HSPG2: variants seen among roughly 807,000 people sequenced by gnomAD.
HSPG2 encodes heparan sulfate proteoglycan 2.
HSPG2 carries 278 observed loss-of-function variants against 526.6 expected under a neutral mutation model. The ratio of observed to expected loss-of-function variants is 0.53; its 90% confidence interval spans 0.48 to 0.58. HSPG2 has a LOEUF of 0.58. Ranked by LOEUF, HSPG2 falls within the 20% of genes least tolerant of loss-of-function variation. The pLI is 0.00. For missense variants in HSPG2, 5,354 were observed against 6,099.5 expected (o/e 0.88, Z 4.07); for synonymous variants, 2,465 against 2,555.4 (o/e 0.96, Z 1.07).
rs372631646 is a variant in HSPG2, at chr1:21,831,843, T to C, written c.11208-47A>G. ...GGCAGGAGAGAGTGGATAGGGGGTTTGTAAGAAGGGCTAGGGGCCCAGTTG... is the reference window on the plus strand; with the variant it reads ...GGCAGGAGAGAGTGGATAGGGGGTTCGTAAGAAGGGCTAGGGGCCCAGTTG... On this transcript the variant is annotated intron_variant, in intron 81 of 96. Transcript: ENST00000374695. 1.4e-4 allele frequency: 214 copies of C among 1,549,778 alleles called. 2 individuals carry two copies. The South Asian group carries it at 2.5e-3, about 18-fold the overall frequency.
Position 21,844,297 on chromosome 1 carries a change from G to T in HSPG2, c.8467C>A (p.Pro2823Thr), listed in dbSNP as rs1232695707. 1 of 1,612,124 alleles carries T rather than the reference G, an allele frequency of 6.2e-7. No individual in the cohort carries two copies. Among genetic ancestry groups the T allele is most frequent in the Admixed American group, 1.7e-5 (1 of 59,996 alleles). Residue 2823 changes from proline (P) to threonine (T), a missense_variant and splice_region_variant, in exon 65 of 97, where the codon CCA becomes ACA. Transcript: ENST00000374695. ...ATGCGGATGGGTGGGGCTCCACCTG[G>T]GGCTGGGGCACAGGGGAGAGGTCAG... is the stretch of plus-strand genomic sequence containing the variant. The part of the protein sequence containing the change: ...SGSSAVHVPA[P>T]GGAPPIRIEP...
In HSPG2 at chr1:21,881,469, G is replaced by A. The variant is rs142062738; in HGVS notation, c.1688C>T (p.Thr563Met). Residue 563 changes from threonine to methionine, a missense_variant, in exon 14 of 97, where the codon ACG becomes ATG. Transcript: ENST00000374695. ...VNVTMPAQPG[T>M]PPLSSTQLQI... ...CAGCTGCGTGGAGGAGAGGGGTGGC[G>A]TGCCGGGCTGCGCAGGCATTGTCAC... The A allele has an allele frequency of 2.4e-5, 38 of 1,612,800 alleles. No homozygotes were observed. In the African/African-American group the frequency reaches 3.3e-4, roughly 14 times the overall value.
intron 95 of HSPG2, 133 bp downstream of exon 95, chr1:21,823,988 G>T: frequency 1.1e-6 from 1 of 945,240 alleles, no homozygotes. Context: ...CTGGCTGGTG[G>T]GTTCTCCCCT....
chr1:21,928,355 C>T (rs1011182801), intron 1 of HSPG2, among the ~76,000 whole-genome samples: 5 of 152,262 alleles, frequency 3.3e-5, no homozygotes, highest in African/African-American at 7.2e-5. Context: ...GGCCAGAGCA[C>T]GCCCCTTTCC....
intron 85 of HSPG2, 100 bp from the exon 86 acceptor site, chr1:21,830,191 C>T: frequency 2.1e-6 from 2 of 971,250 alleles, no homozygotes; most frequent in Non-Finnish European, 1.6e-6. Context: ...GGGGGCTGGG[C>T]TAGTGAGGGC....
intron 74 of HSPG2, among the ~76,000 whole-genome samples, chr1:21,838,307 C>T (rs2098035302): frequency 1.3e-5 from 2 of 152,264 alleles, no homozygotes; most frequent in South Asian, 4.1e-4. Context: ...AAGTTTGGGG[C>T]CCAAAAGCCC....
At chr1:21,919,937 C>T (rs1374502328) in intron 1 of HSPG2, among the ~76,000 whole-genome samples, 1 of 152,196 alleles carries the variant, frequency 6.6e-6, no homozygotes, top group South Asian at 2.1e-4. Flanking sequence ...GACAGAGTCT[C>T]GCTCTGTTGC....
chr1:21,823,435 T>C lies in HSPG2; in HGVS notation c.13057A>G (p.Thr4353Ala). The change falls in exon 97 of 97, where the codon ACA (threonine) becomes GCA (alanine). Residue 4353 changes from threonine to alanine, a missense_variant. Coordinates refer to ENST00000374695, the MANE Select transcript of HSPG2 (RefSeq NM_005529.7). ...AGCACCAGGTTCTTGACACAGCCTG[T>C]GATGCCTGAGGAGAATCTGCCCCCG... ...LTGGRFSSGITGCVKNLVLHS... is the reference protein window; with the variant it reads ...LTGGRFSSGIAGCVKNLVLHS... 1 of 1,591,112 alleles carries C rather than the reference T, an allele frequency of 6.3e-7. No homozygotes were observed. Among genetic ancestry groups the C allele is most frequent in the East Asian group, 2.3e-5 (1 of 44,214 alleles).
At chr1:21,901,733 G>C (rs79704247) in intron 1 of HSPG2, among the ~76,000 whole-genome samples, 4,548 of 152,182 alleles carry the variant, frequency 0.03, 95 homozygotes, top group Middle Eastern at 0.068. Context: ...CAGGCTCCAG[G>C]CATGTGGGGA....
intron 3 of HSPG2, among the ~76,000 whole-genome samples, chr1:21,891,650 A>G (rs914885725): frequency 4.6e-5 from 7 of 152,056 alleles, no homozygotes; most frequent in Non-Finnish European, 1.0e-4. Flanking sequence ...TTGCTCTGTC[A>G]CCCACGCTGG....
At chr1:21,843,186 C>T (rs1446250825) in intron 66 of HSPG2, 111 bp downstream of exon 66, 1 of 1,499,572 alleles carries the variant, frequency 6.7e-7, no homozygotes, top group Non-Finnish European at 9.3e-7. Context: ...TGGTAGGAAA[C>T]CCCGCCTGCA....
chr1:21,855,374 T>C lies in HSPG2; in HGVS notation c.5927A>G (p.Tyr1976Cys). The change falls in exon 47 of 97, where the codon TAC becomes TGC. Residue 1976 changes from tyrosine to cysteine, a missense_variant. By Grantham distance (194) the Tyr-to-Cys change is radical. Transcript: ENST00000374695. ...QVHAGRTVRL[Y>C]CRAAGVPSAT... ...GCTAGGCACGCCTGCAGCCCTGCAG[T>C]ACAGCCTGACGGTGCGGCCTGCGTG... 1 of 1,612,550 alleles carries C rather than the reference T, an allele frequency of 6.2e-7. No homozygotes were observed. Among genetic ancestry groups the C allele is most frequent in the Middle Eastern group, 1.7e-4 (1 of 5,926 alleles).
In HSPG2 at chr1:21,846,459, T is replaced by C; in HGVS notation, c.8305A>G (p.Ser2769Gly). 6.2e-7 allele frequency: 1 copy of C among 1,613,534 alleles called. No homozygotes were observed. The highest frequency in any genetic ancestry group is 8.5e-7 in the Non-Finnish European group (1 of 1,180,044). Residue 2769 changes from serine (S) to glycine (G), a missense_variant, in exon 63 of 97, where the codon AGT becomes GGT. Transcript: ENST00000374695. ...TGCCAGCTGCATACCTGATGGTGAC[T>C]GGGGAGGCTGCCCCCACGCTTGTGC... ...TWHKRGGSLPSHHQTRGSRLR... is the reference protein window; with the variant it reads ...TWHKRGGSLPGHHQTRGSRLR...
chr1:21,878,361 G>A lies in HSPG2; in HGVS notation c.2617+72C>T, dbSNP rs757800820. On this transcript the variant is annotated intron_variant, in intron 20 of 96. Coordinates refer to ENST00000374695, the MANE Select transcript of HSPG2 (RefSeq NM_005529.7). Reference sequence around the variant, plus strand: ...AAGGTTCATGAGCTGGGGCAGGGAGGGAGGGTGCCTGGTGTGCAGCCCAGG... The same window carrying A: ...AAGGTTCATGAGCTGGGGCAGGGAGAGAGGGTGCCTGGTGTGCAGCCCAGG... 3.7e-5 allele frequency: 58 copies of A among 1,576,394 alleles called. No individual in the cohort carries two copies. The South Asian group carries it at 6.4e-4, about 17-fold the overall frequency.
chr1:21,836,874 C>T lies in HSPG2; in HGVS notation c.10283G>A (p.Gly3428Asp), dbSNP rs1162141885. The T allele has an allele frequency of 9.5e-6, 15 of 1,576,748 alleles. No individual in the cohort carries two copies. In the South Asian group the frequency reaches 1.3e-4, roughly 13 times the overall value. ...EFHCAVPSDR[G>D]TQLRWFKEGG... ...TTCCTTGAACCAACGGAGCTGGGTA[C>T]CCCGGTCGCTGGGCACAGCACAGTG... is the stretch of plus-strand genomic sequence containing the variant. The change falls in exon 75 of 97, where the codon GGT becomes GAT. Residue 3428 changes from glycine to aspartate, a missense_variant. Gly to Asp is a moderately conservative substitution (Grantham distance 94). Coordinates refer to ENST00000374695, the MANE Select transcript of HSPG2 (RefSeq NM_005529.7).
rs553324300 is a variant in HSPG2 at position 21,904,698 on chromosome 1, C to A, written c.64-8388G>T. ...GCCAAGGCGGTGGGGGTGGCCTAAG[C>A]GGGAACAGCTTCTGGACTGGGCTGC... On this transcript the variant is annotated intron_variant, in intron 1 of 96. Transcript: ENST00000374695. This position sits in a 1 kb window ranked among gnomAD's most constrained non-coding sequence, Gnocchi z 4.4. Among the ~76,000 whole-genome samples the A allele has an allele frequency of 6.6e-6, 1 of 152,298 alleles. No individual in the cohort carries two copies. The highest frequency in any genetic ancestry group is 2.4e-5 in the African/African-American group (1 of 41,572).
intron 91 of HSPG2, among the ~76,000 whole-genome samples, chr1:21,827,307 G>A (rs531672560): frequency 6.6e-6 from 1 of 152,314 alleles, no homozygotes; most frequent in East Asian, 1.9e-4. Context: ...GGCACAGAGA[G>A]GTTAAGCGAC....
Position 21,890,494 on chromosome 1 carries a change from G to C in HSPG2, c.355-9C>G, listed in dbSNP as rs1642277353. On this transcript the variant is annotated splice_polypyrimidine_tract_variant and intron_variant, in intron 4 of 96. Coordinates refer to ENST00000374695, the MANE Select transcript of HSPG2 (RefSeq NM_005529.7). This position sits in a 1 kb window ranked among gnomAD's most constrained non-coding sequence, Gnocchi z 4.1. ...AAGTACTCCGACTCCAGCTGGGGAGGGACACAGTGCCATCAGCCCCAGAGG... is the reference window on the plus strand; with the variant it reads ...AAGTACTCCGACTCCAGCTGGGGAGCGACACAGTGCCATCAGCCCCAGAGG... 1 of 1,613,816 alleles carries C rather than the reference G, an allele frequency of 6.2e-7. No homozygotes were observed. Among genetic ancestry groups the C allele is most frequent in the Non-Finnish European group, 8.5e-7 (1 of 1,179,894 alleles).
chr1:21,846,999 CAA>C (rs34373270), intron 62 of HSPG2, among the ~76,000 whole-genome samples: 3 of 140,834 alleles, frequency 2.1e-5, no homozygotes. Context: ...GACTCCCTCT[CAA>C]AAAAAAAAAA....
Sources: allele counts gnomAD v4.1 joint callset (sites outside exome capture counted in the v4.1 genomes callset), GRCh38; gene constraint gnomAD v4.1.1; non-coding constraint Gnocchi (gnomAD v3.1); transcripts MANE v1.5; gene names NCBI Gene and HGNC (gene_info 2026-07-23, HGNC 2026-07-21).